Variants in TENM3 observed in about 807,000 individuals in gnomAD.
The protein encoded by TENM3 is teneurin transmembrane protein 3.
A neutral mutation model predicts 255.1 loss-of-function variants in TENM3; 63 were observed. The observed-to-expected ratio is 0.25, with a 90% confidence interval of 0.20 to 0.30. The LOEUF (loss-of-function observed/expected upper bound fraction) is 0.30, where lower values mean the gene tolerates loss of function less well. Among genes scored for constraint, TENM3 ranks in the 10% least tolerant of loss-of-function variants. The pLI is 1.00. For synonymous variants in TENM3, 1,306 were observed against 1,322.3 expected (o/e 0.99, Z 0.27); for missense variants, 2,929 against 3,461.1 (o/e 0.85, Z 3.86).
the TENM3 span, among the ~76,000 whole-genome samples, chr4:181,746,494 G>A: frequency 3.3e-5 from 5 of 152,202 alleles, no homozygotes; most frequent in Admixed American, 3.3e-4. Context: ...GGAACCTGAT[G>A]ATTCAAAGAT....
intron 1 of TENM3, among the ~76,000 whole-genome samples, chr4:182,252,083 T>C (rs1162008897): frequency 1.3e-5 from 2 of 151,840 alleles, no homozygotes; most frequent in African/African-American, 4.8e-5. Flanking sequence ...CTCGGGAGGC[T>C]GAGCCAGGAG....
chr4:182,679,117 A>G (rs1375682272), intron 7 of TENM3, among the ~76,000 whole-genome samples: 6 of 152,098 alleles, frequency 3.9e-5, no homozygotes, highest in Non-Finnish European at 4.4e-5. Context: ...TAGATGATGG[A>G]TTGATGGGTG....
At chr4:182,333,422 G>T (rs370882628) in intron 2 of TENM3, among the ~76,000 whole-genome samples, 21 of 152,082 alleles carry the variant, frequency 1.4e-4, no homozygotes, top group Non-Finnish European at 2.1e-4. Context: ...AATATACAAG[G>T]ATTTTTCAGT....
chr4:181,948,703 A>G, the TENM3 span, among the ~76,000 whole-genome samples: 1 of 152,164 alleles, frequency 6.6e-6, no homozygotes, highest in Non-Finnish European at 1.5e-5. Context: ...GGTGTGAGCC[A>G]CCGCGCCTGG....
the TENM3 span, among the ~76,000 whole-genome samples, chr4:181,775,966 A>T: frequency 2.6e-5 from 4 of 152,138 alleles, no homozygotes; most frequent in African/African-American, 9.7e-5. Context: ...AATACAAAAT[A>T]CTTTGTTGTT....
the TENM3 span, among the ~76,000 whole-genome samples, chr4:182,042,259 C>T: frequency 6.6e-6 from 1 of 152,134 alleles, no homozygotes; most frequent in Admixed American, 6.5e-5. Flanking sequence ...TAGCTCAATG[C>T]GTTTTCTCAA....
intron 3 of TENM3, among the ~76,000 whole-genome samples, chr4:182,445,094 C>T (rs1041349548): frequency 6.6e-6 from 1 of 152,160 alleles, no homozygotes; most frequent in African/African-American, 2.4e-5. Context: ...CAGGTGTGAG[C>T]CACCGTGCCT....
chr4:181,656,031 T>C, the TENM3 span, among the ~76,000 whole-genome samples: 1 of 152,142 alleles, frequency 6.6e-6, no homozygotes, highest in African/African-American at 2.4e-5. Flanking sequence ...AGTTTCCATC[T>C]CCCTTGGCCC....
intron 3 of TENM3, among the ~76,000 whole-genome samples, chr4:182,457,117 G>T (rs918063443): frequency 6.6e-6 from 1 of 151,506 alleles, no homozygotes. Flanking sequence ...CCTGGGAGGC[G>T]GAGGTTGCAG....
intron 2 of TENM3, among the ~76,000 whole-genome samples, chr4:182,336,504 C>T (rs1345432070): frequency 6.6e-6 from 1 of 152,174 alleles, no homozygotes; most frequent in East Asian, 1.9e-4. Flanking sequence ...TGTGAAGGAA[C>T]ACCTTCTGAT....
At chr4:182,042,892 T>C in the TENM3 span, among the ~76,000 whole-genome samples, 1 of 150,522 alleles carries the variant, frequency 6.6e-6, no homozygotes, top group African/African-American at 2.5e-5. Context: ...TGTGTGTGTG[T>C]GTGTGTGTGT....
the TENM3 span, among the ~76,000 whole-genome samples, chr4:181,502,581 T>C: frequency 6.6e-6 from 1 of 152,194 alleles, no homozygotes; most frequent in Admixed American, 6.5e-5. Flanking sequence ...AGATGATATG[T>C]CTCATGTCCT....
the TENM3 span, among the ~76,000 whole-genome samples, chr4:181,788,031 G>A: frequency 1.3e-5 from 2 of 152,094 alleles, no homozygotes; most frequent in South Asian, 2.1e-4. Context: ...CAGCCACTTC[G>A]AGATCACTTA....
chr4:182,356,382 G>A (rs1186780970), intron 3 of TENM3, among the ~76,000 whole-genome samples: 2 of 152,128 alleles, frequency 1.3e-5, no homozygotes, highest in African/African-American at 4.8e-5. Context: ...AGTGGGTGTG[G>A]AAGTCAAATC....
the TENM3 span, among the ~76,000 whole-genome samples, chr4:181,555,619 A>T: frequency 6.6e-6 from 1 of 152,140 alleles, no homozygotes; most frequent in South Asian, 2.1e-4. Context: ...TTAATGCCTC[A>T]ATTACGAGAT....
the TENM3 span, among the ~76,000 whole-genome samples, chr4:181,972,604 C>T: frequency 7.9e-3 from 1,201 of 152,236 alleles, 6 homozygotes; most frequent in Non-Finnish European, 0.012. Context: ...GAACTCCAGT[C>T]TCCCTAAAAA....
chr4:182,062,528 C>T, the TENM3 span, among the ~76,000 whole-genome samples: 6 of 152,140 alleles, frequency 3.9e-5, no homozygotes, highest in South Asian at 1.0e-3. Context: ...AAAGTTATAC[C>T]GTGTTGACAG....
chr4:181,946,386 C>T, the TENM3 span, among the ~76,000 whole-genome samples: 1 of 152,160 alleles, frequency 6.6e-6, no homozygotes, highest in Non-Finnish European at 1.5e-5. Flanking sequence ...GGATATCTCA[C>T]ATCTCAGTTT....
chr4:182,505,149 T>C (rs1201847726), intron 3 of TENM3, among the ~76,000 whole-genome samples: 1 of 152,218 alleles, frequency 6.6e-6, no homozygotes, highest in Non-Finnish European at 1.5e-5. Context: ...AGAGTCAGCT[T>C]ACAAGCCACA....
Sources: gnomAD v4.1 joint callset for allele counts (sites outside exome capture counted in the v4.1 genomes callset) on GRCh38, gnomAD v4.1.1 for gene constraint, MANE v1.5 for transcripts, NCBI Gene and HGNC (gene_info 2026-07-23, HGNC 2026-07-21) for gene names.